HIP1: variants seen among roughly 807,000 people sequenced by gnomAD.
HIP1 encodes huntingtin interacting protein 1, also known as huntingtin-interacting protein 1.
HIP1 carries 65 observed loss-of-function variants against 147.6 expected under a neutral mutation model. That is an observed-to-expected ratio of 0.44 (90% CI 0.36 to 0.54). The LOEUF is 0.54. HIP1 is among the 20% of genes least tolerant of loss of function. HIP1 has a pLI of 0.00. For synonymous variants in HIP1, 479 were observed against 504.0 expected (o/e 0.95, Z 0.67); for missense variants, 1,061 against 1,299.6 (o/e 0.82, Z 2.82).
At chr7:75,551,236 C>T (rs187304505) in intron 22 of HIP1, among the ~76,000 whole-genome samples, 4 of 109,106 alleles carry the variant, frequency 3.7e-5, no homozygotes, top group African/African-American at 7.8e-5. Context: ...CTCACTCTGT[C>T]GCCCAGGCTG....
intron 7 of HIP1, 117 bp from the exon 8 acceptor site, chr7:75,574,018 A>G: frequency 1.3e-6 from 1 of 766,538 alleles, no homozygotes; most frequent in East Asian, 2.7e-5. Context: ...TGCGTGCTTT[A>G]CCTCATCTAA....
chr7:75,665,943 A>T (rs1218787036), intron 1 of HIP1, among the ~76,000 whole-genome samples: 3 of 152,132 alleles, frequency 2.0e-5, no homozygotes, highest in African/African-American at 7.2e-5. Flanking sequence ...AAACCAACAA[A>T]ACAAAACAAC....
At chr7:75,559,706 CG>C in intron 14 of HIP1, 25 bp downstream of exon 14, 3 of 764,176 alleles carry the variant, frequency 3.9e-6, no homozygotes, top group Non-Finnish European at 4.0e-6. Context: ...CCCCGGGGCC[CG>C]CCCCCGCCCC....
Position 75,536,133 on chromosome 7 carries a change from TG to T in HIP1, c.*2038del, listed in dbSNP as rs1181789441. 1 of 197,372 alleles carries T rather than the reference TG, an allele frequency of 5.1e-6. No individual in the cohort carries two copies. Among genetic ancestry groups the T allele is most frequent in the Non-Finnish European group, 1.0e-5 (1 of 95,252 alleles). 12.2% of individuals were successfully genotyped at this position (197,372 alleles called of 1,614,324 possible). A position where few individuals can be genotyped will look rare whatever the true frequency, so the allele number is the denominator to read the frequency against. ...CACCGATTGGTTTAGTTGCCACAAC[TG>T]GGACAGGGAAGCCACGCACCATTCC... On this transcript the variant is annotated 3_prime_UTR_variant, in exon 31 of 31. Transcript: ENST00000336926.
intron 1 of HIP1, among the ~76,000 whole-genome samples, chr7:75,652,919 T>C (rs1259492229): frequency 1.3e-5 from 2 of 152,000 alleles, no homozygotes; most frequent in African/African-American, 4.8e-5. Context: ...TCATAAAGGG[T>C]TAATGCAAAC....
At chr7:75,600,452 G>A (rs1015539188) in intron 1 of HIP1, among the ~76,000 whole-genome samples, 5 of 152,092 alleles carry the variant, frequency 3.3e-5, no homozygotes, top group Non-Finnish European at 7.4e-5. Flanking sequence ...CATATACATA[G>A]GAGTACCATT....
At chr7:75,632,365 A>C (rs1175098553) in intron 1 of HIP1, among the ~76,000 whole-genome samples, 2 of 152,232 alleles carry the variant, frequency 1.3e-5, no homozygotes, top group Non-Finnish European at 1.5e-5. Context: ...GTGACGATGA[A>C]AGATAGTAAT....
intron 1 of HIP1, among the ~76,000 whole-genome samples, chr7:75,628,378 T>C (rs1255189074): frequency 3.9e-5 from 6 of 152,218 alleles, no homozygotes; most frequent in Admixed American, 2.6e-4. Context: ...TGCCTCTGAA[T>C]GTCTATAGAA....
chr7:75,652,132 A>G (rs1286855208), intron 1 of HIP1, among the ~76,000 whole-genome samples: 1 of 150,924 alleles, frequency 6.6e-6, no homozygotes, highest in Non-Finnish European at 1.5e-5. Flanking sequence ...CCTGGCCAAC[A>G]TGGTGAAACC....
In HIP1 at chr7:75,539,543, C is replaced by G. The variant is rs587669604; in HGVS notation, c.2953-112G>C. 40 of 799,280 alleles carry G rather than the reference C, an allele frequency of 5.0e-5. No individual in the cohort carries two copies. The African/African-American group carries it at 7.0e-4, about 14-fold the overall frequency. The allele number at this position is 799,280 out of a possible 1,614,324, so 49.5% of individuals were successfully genotyped here. On this transcript the variant is annotated intron_variant, in intron 29 of 30. Transcript: ENST00000336926. Reference sequence around the variant, plus strand: ...TTCTGCTGCCCAGGCTGGTAGTGAACTCCTGGCCTCAAGAGATCCTCCTGT... The same window carrying G: ...TTCTGCTGCCCAGGCTGGTAGTGAAGTCCTGGCCTCAAGAGATCCTCCTGT...
chr7:75,547,740 G>A lies in HIP1; in HGVS notation c.2465+15C>T, dbSNP rs781828418. 1.9e-6 allele frequency: 3 copies of A among 1,609,306 alleles called. No individual in the cohort carries two copies. The highest frequency in any genetic ancestry group is 2.2e-5 in the South Asian group (2 of 90,998). On this transcript the variant is annotated intron_variant, in intron 24 of 30. Coordinates refer to ENST00000336926, the MANE Select transcript of HIP1 (RefSeq NM_005338.7). ...ATCCTGCTCCCCTAGGTCCCACCATGCCGCTCAGACCGACCTTTCATTCAC... is the reference window on the plus strand; with the variant it reads ...ATCCTGCTCCCCTAGGTCCCACCATACCGCTCAGACCGACCTTTCATTCAC...
At chr7:75,583,756 TTGTGTGTGTG>T (rs60640180) in intron 5 of HIP1, among the ~76,000 whole-genome samples, 2,106 of 115,498 alleles carry the variant, frequency 0.018, 60 homozygotes, top group African/African-American at 0.058. Flanking sequence ...GCGGGCTAAT[TTGTGTGTGTG>T]TGTGTGTGTG....
In HIP1 at chr7:75,618,014, G is replaced by A. The variant is rs188500067; in HGVS notation, c.121-18767C>T. 1.3e-3 allele frequency among the ~76,000 whole-genome samples: 199 copies of A among 152,328 alleles called. 6 individuals are homozygous for A. Among genetic ancestry groups the A allele is most frequent in the Admixed American group, 0.013 (197 of 15,302 alleles). On this transcript the variant is annotated intron_variant, in intron 1 of 30. Transcript: ENST00000336926. The stretch of plus-strand genomic sequence containing the variant: ...CGTAATGGCCCTGGCCAGAGCTCCC[G>A]GGGGAAGCCTTCCGGATAGGCAGCT...
At chr7:75,712,553 T>A (rs2240138) in intron 1 of HIP1, among the ~76,000 whole-genome samples, 82,205 of 151,972 alleles carry the variant, frequency 0.54, 22,824 homozygotes, top group African/African-American at 0.65. Context: ...GCCCATATGT[T>A]GTACACATCC....
chr7:75,671,554 C>T (rs781946349), intron 1 of HIP1, among the ~76,000 whole-genome samples: 4 of 152,116 alleles, frequency 2.6e-5, no homozygotes, highest in Non-Finnish European at 5.9e-5. Context: ...CAAGGCTCTG[C>T]TTTCAGTTCT....
At chr7:75,682,814 C>G (rs1412502907) in intron 1 of HIP1, among the ~76,000 whole-genome samples, 2 of 152,126 alleles carry the variant, frequency 1.3e-5, no homozygotes, top group Non-Finnish European at 2.9e-5. Context: ...GCCACCTCCT[C>G]CTTGCTAATG....
In HIP1 at chr7:75,536,332, G is replaced by A; in HGVS notation, c.*1840C>T. The A allele has an allele frequency of 7.4e-6, 1 of 135,342 alleles. No individual in the cohort carries two copies. Among genetic ancestry groups the A allele is most frequent in the Non-Finnish European group, 1.5e-5 (1 of 66,410 alleles). The allele number at this position is 135,342 out of a possible 1,614,324, so 8.4% of individuals were successfully genotyped here. On this transcript the variant is annotated 3_prime_UTR_variant, in exon 31 of 31. Coordinates refer to ENST00000336926, the MANE Select transcript of HIP1 (RefSeq NM_005338.7). Reference sequence around the variant, plus strand: ...GAATGTCCCACTTAGAAAATGCACAGAGAGGGAGTTGGGGAGGGGGGTGGG... The same window carrying A: ...GAATGTCCCACTTAGAAAATGCACAAAGAGGGAGTTGGGGAGGGGGGTGGG...
chr7:75,690,297 A>C (rs955069417), intron 1 of HIP1, among the ~76,000 whole-genome samples: 2 of 151,978 alleles, frequency 1.3e-5, no homozygotes, highest in Non-Finnish European at 2.9e-5. Flanking sequence ...CACACACAAA[A>C]GGTAAAGGAC....
intron 1 of HIP1, among the ~76,000 whole-genome samples, chr7:75,717,716 C>T (rs1198789505): frequency 6.7e-6 from 1 of 150,146 alleles, no homozygotes; most frequent in African/African-American, 2.5e-5. Context: ...CACACATGTC[C>T]TCCCAACACT....
Sources: gnomAD v4.1 joint callset for allele counts (sites outside exome capture counted in the v4.1 genomes callset) on GRCh38, gnomAD v4.1.1 for gene constraint, MANE v1.5 for transcripts, NCBI Gene and HGNC (gene_info 2026-07-23, HGNC 2026-07-21) for gene names.